Variants in AGO1 observed in about 807,000 individuals in gnomAD.
AGO1 encodes protein argonaute-1.
AGO1 carries 11 observed loss-of-function variants against 109.2 expected under a neutral mutation model. The observed-to-expected ratio is 0.10, with a 90% CI of 0.06 to 0.17. The LOEUF (loss-of-function observed/expected upper bound fraction) is 0.17, where lower values mean the gene tolerates loss of function less well. Among genes scored for constraint, AGO1 ranks in the 10% least tolerant of loss-of-function variants. The pLI is 1.00. For synonymous variants in AGO1, 422 were observed against 418.6 expected, an observed-to-expected ratio of 1.01 and a Z score of -0.10; for missense variants, 574 against 1,140.3, an observed-to-expected ratio of 0.50 and a Z score of 7.15.
At chr1:35,917,334 T>C (rs1227627268) in intron 15 of AGO1, among the ~76,000 whole-genome samples, 1 of 152,222 alleles carries the variant, frequency 6.6e-6, no homozygotes, top group Admixed American at 6.5e-5. Context: ...GGTCTCTTTA[T>C]ACACAGGAAC....
intron 8 of AGO1, among the ~76,000 whole-genome samples, chr1:35,900,185 G>A (rs1645389286): frequency 6.6e-6 from 1 of 152,220 alleles, no homozygotes; most frequent in Non-Finnish European, 1.5e-5. Flanking sequence ...GGGCTCAGGA[G>A]TTTAGAACCA....
upstream of AGO1, among the ~76,000 whole-genome samples, chr1:35,881,385 ATC>A (rs934174414): frequency 1.3e-5 from 2 of 151,996 alleles, no homozygotes; most frequent in Admixed American, 1.3e-4. Context: ...CAATGGCGTG[ATC>A]TCAGCTCACT....
upstream of AGO1, chr1:35,882,712 A>G: frequency 1.5e-6 from 1 of 658,718 alleles, no homozygotes; most frequent in Non-Finnish European, 1.9e-6. The surrounding 1 kb of genome is among the most constrained non-coding windows in gnomAD (Gnocchi z 5.1). Flanking sequence ...CGTCCAGCAC[A>G]TGGCGTGGAA....
At chr1:35,892,780 T>C in intron 3 of AGO1, 103 bp downstream of exon 3, 3 of 1,547,838 alleles carry the variant, frequency 1.9e-6, no homozygotes, top group East Asian at 2.3e-5. Context: ...TCTTTTGTGC[T>C]GAGAAAGTAT....
chr1:35,879,779 A>G (rs978858427), upstream of AGO1, among the ~76,000 whole-genome samples: 1 of 134,914 alleles, frequency 7.4e-6, no homozygotes, highest in Non-Finnish European at 1.6e-5. Flanking sequence ...TGCTATCTGG[A>G]TTTCCATTTT....
In AGO1 at chr1:35,928,761, C is replaced by T. The variant is rs914270513; in HGVS notation, c.*9154C>T. 6.6e-6 allele frequency: 1 copy of T among 152,034 alleles called. No individual in the cohort carries two copies. Among genetic ancestry groups the T allele is most frequent in the Non-Finnish European group, 1.5e-5 (1 of 68,020 alleles). 9.4% of individuals were successfully genotyped at this position (152,034 alleles called of 1,614,324 possible). A position where few individuals can be genotyped will look rare whatever the true frequency, so the allele number is the denominator to read the frequency against. ...AAATTTTGTGAATTTATTAAAGCTC[C>T]GTTTGTTGCTTTTTTCTGTTCTAGT... On this transcript the variant is annotated 3_prime_UTR_variant, in exon 19 of 19. Transcript: ENST00000373204.
chr1:35,880,159 G>GT (rs1444689905), upstream of AGO1, among the ~76,000 whole-genome samples: 1 of 152,196 alleles, frequency 6.6e-6, no homozygotes, highest in South Asian at 2.1e-4. Context: ...GGACAGCAGT[G>GT]TATCTGATAT....
chr1:35,883,290 G>A lies in AGO1; in HGVS notation c.-132G>A. ...CAACGGAGGCTGCGGGGGCGGCGGC[G>A]CGAGCGGCCGGGCTTGGTAGGGGAG... On this transcript the variant is annotated 5_prime_UTR_variant, in exon 1 of 19. Coordinates refer to ENST00000373204, the MANE Select transcript of AGO1 (RefSeq NM_012199.5). This position sits in a 1 kb window ranked among gnomAD's most constrained non-coding sequence, Gnocchi z 5.4. The A allele has an allele frequency of 7.0e-7, 1 of 1,419,370 alleles. No individual in the cohort carries two copies. The highest frequency in any genetic ancestry group is 9.2e-7 in the Non-Finnish European group (1 of 1,087,826). 87.9% of individuals were successfully genotyped at this position (1,419,370 alleles called of 1,614,324 possible).
chr1:35,890,891 G>A (rs917514049), intron 2 of AGO1, among the ~76,000 whole-genome samples: 17 of 152,054 alleles, frequency 1.1e-4, no homozygotes, highest in African/African-American at 2.7e-4. Context: ...ATATATTTTC[G>A]TATGTTTAAA....
chr1:35,885,545 CTCTTA>C (rs758156476), intron 1 of AGO1, among the ~76,000 whole-genome samples: 3 of 152,164 alleles, frequency 2.0e-5, no homozygotes, highest in Admixed American at 1.3e-4. Flanking sequence ...CCGGACTGTT[CTCTTA>C]TAAGAAGTTA....
At chr1:35,889,372 G>C (rs1276946124) in intron 2 of AGO1, among the ~76,000 whole-genome samples, 1 of 151,644 alleles carries the variant, frequency 6.6e-6, no homozygotes, top group Non-Finnish European at 1.5e-5. Flanking sequence ...ACCATGCCTG[G>C]CTAATTTTTT....
chr1:35,918,776 G>A (rs988486213), intron 17 of AGO1, among the ~76,000 whole-genome samples: 7 of 152,126 alleles, frequency 4.6e-5, no homozygotes, highest in African/African-American at 1.7e-4. Context: ...TGCTGTTCTT[G>A]AACTCCTGAC....
chr1:35,919,260 G>T lies in AGO1; in HGVS notation c.2465+6G>T, dbSNP rs200868181. 6 of 1,612,312 alleles carry T rather than the reference G, an allele frequency of 3.7e-6. No individual in the cohort carries two copies. In the African/African-American group the frequency reaches 5.3e-5, roughly 14 times the overall value. ...GTGGACAAGGAGCATGACAGGTGAG[G>T]CCTGGGATCAGGTTGGCCTCCTTTT... On this transcript the variant is annotated splice_donor_region_variant and intron_variant, in intron 18 of 18. Coordinates refer to ENST00000373204, the MANE Select transcript of AGO1 (RefSeq NM_012199.5). This position sits in a 1 kb window ranked among gnomAD's most constrained non-coding sequence, Gnocchi z 6.6.
At chr1:35,906,740 C>A (rs1293841066) in intron 11 of AGO1, among the ~76,000 whole-genome samples, 195 bp from the exon 12 acceptor site, 1 of 150,366 alleles carries the variant, frequency 6.7e-6, no homozygotes, top group Non-Finnish European at 1.5e-5. Flanking sequence ...CCTAGCAGCT[C>A]GAGGCTTGAG....
At chr1:35,912,656 C>T (rs879485355) in intron 12 of AGO1, among the ~76,000 whole-genome samples, 2 of 151,896 alleles carry the variant, frequency 1.3e-5, no homozygotes, top group Admixed American at 1.3e-4. Context: ...TCACTGTAAC[C>T]TCTGCCTCCC....
chr1:35,900,432 C>G (rs563170132), intron 8 of AGO1, among the ~76,000 whole-genome samples: 1 of 152,278 alleles, frequency 6.6e-6, no homozygotes, highest in Non-Finnish European at 1.5e-5. Context: ...TATTATCCTT[C>G]CTTAAAATAT....
chr1:35,899,446 A>G (rs1645377070), intron 8 of AGO1, among the ~76,000 whole-genome samples: 1 of 152,152 alleles, frequency 6.6e-6, no homozygotes, highest in Non-Finnish European at 1.5e-5. Context: ...TCTGTGGTTA[A>G]TTTTTTGAGA....
At chr1:35,906,824 A>C in intron 11 of AGO1, 111 bp from the exon 12 acceptor site, 9 of 948,750 alleles carry the variant, frequency 9.5e-6, no homozygotes, top group Non-Finnish European at 1.2e-5. Context: ...AAAAAAAAAA[A>C]ACCAATCTCT....
Position 35,895,341 on chromosome 1 carries a change from C to T in AGO1, c.1020+72C>T, listed in dbSNP as rs1473314879. ...GCATGCTGATCATCAGATGTCTGTT[C>T]TTTCATTTTGAAGTTTGGAAAACTG... On this transcript the variant is annotated intron_variant, in intron 8 of 18. Transcript: ENST00000373204. The T allele has an allele frequency of 4.7e-6, 7 of 1,478,778 alleles. No homozygotes were observed. In the African/African-American group the frequency reaches 8.6e-5, roughly 18 times the overall value. 91.6% of individuals were successfully genotyped at this position (1,478,778 alleles called of 1,614,324 possible).
Sources: gnomAD v4.1 joint callset for allele counts (sites outside exome capture counted in the v4.1 genomes callset) on GRCh38, gnomAD v4.1.1 for gene constraint, Gnocchi (gnomAD v3.1) non-coding constraint, MANE v1.5 for transcripts, NCBI Gene and HGNC (gene_info 2026-07-23, HGNC 2026-07-21) for gene names.